Variants in GSTA4 observed in about 807,000 individuals in gnomAD.
GSTA4 encodes the protein glutathione S-transferase alpha 4, also known as glutathione S-transferase A4.
Under a neutral mutation model 24.4 loss-of-function variants are expected in GSTA4, and 15 were observed. The ratio of observed to expected loss-of-function variants is 0.61; its 90% CI spans 0.41 to 0.95. The LOEUF is 0.95. Ranked by LOEUF, GSTA4 falls within the 40% of genes least tolerant of loss-of-function variation. The pLI, the probability that GSTA4 is intolerant of heterozygous loss-of-function variation, is 0.00. For missense variants in GSTA4, 244 were observed against 262.1 expected (o/e 0.93, Z 0.48); for synonymous variants, 92 against 94.2 (o/e 0.98, Z 0.13).
intron 2 of GSTA4, among the ~76,000 whole-genome samples, chr6:52,988,474 G>A (rs902374651): frequency 6.6e-6 from 1 of 152,176 alleles, no homozygotes; most frequent in African/African-American, 2.4e-5. Flanking sequence ...GGCTTCTGTT[G>A]TTAACAAAGT....
At chr6:52,992,780 A>T (rs1324666551) in intron 2 of GSTA4, among the ~76,000 whole-genome samples, 1 of 152,190 alleles carries the variant, frequency 6.6e-6, no homozygotes, top group East Asian at 1.9e-4. Flanking sequence ...GAATAAATAT[A>T]ATGTTGGATC....
intron 3 of GSTA4, among the ~76,000 whole-genome samples, chr6:52,986,921 T>C (rs1427263739): frequency 6.6e-6 from 1 of 152,150 alleles, no homozygotes; most frequent in Non-Finnish European, 1.5e-5. Flanking sequence ...AGTTCGTTGA[T>C]TTCACTTCTG....
At chr6:52,980,277 G>GTA (rs1158296323) in intron 6 of GSTA4, among the ~76,000 whole-genome samples, 3 of 151,006 alleles carry the variant, frequency 2.0e-5, no homozygotes, top group Non-Finnish European at 2.9e-5. Flanking sequence ...ACACAAGCAT[G>GTA]TATATATATG....
chr6:52,987,289 T>C, intron 3 of GSTA4, 68 bp downstream of exon 3: 2 of 981,132 alleles, frequency 2.0e-6, no homozygotes, highest in South Asian at 2.8e-5. Flanking sequence ...ACTTTTGCCC[T>C]TCCACATAAA....
At position 52,987,409 on chromosome 6, in the gene GSTA4, CTAAATTTT is replaced by C; in HGVS notation, c.88-9_88-2del. 1 of 1,547,346 alleles carries C rather than the reference CTAAATTTT, an allele frequency of 6.5e-7. No individual in the cohort carries two copies. Among genetic ancestry groups the C allele is most frequent in the Non-Finnish European group, 8.9e-7 (1 of 1,122,514 alleles). On this transcript the variant is annotated splice_acceptor_variant and splice_polypyrimidine_tract_variant and intron_variant, in intron 2 of 6. Transcript: ENST00000370963. LOFTEE classifies it high-confidence loss of function. Reference sequence around the variant, plus strand: ...TTGTTTCCAGAAATTCTTCATCAAACTAAATTTTTAAAAAAGAAACGTATATATACATA... The same window carrying C: ...TTGTTTCCAGAAATTCTTCATCAAACTAAAAAAGAAACGTATATATACATA...
At chr6:52,991,268 A>T (rs1385577312) in intron 2 of GSTA4, among the ~76,000 whole-genome samples, 14 of 152,240 alleles carry the variant, frequency 9.2e-5, no homozygotes. Context: ...AAATGATGGA[A>T]ATTGAAAGAA....
chr6:52,986,160 A>T (rs1474770195), intron 3 of GSTA4, among the ~76,000 whole-genome samples: 1 of 152,224 alleles, frequency 6.6e-6, no homozygotes, highest in Non-Finnish European at 1.5e-5. Context: ...TGTAGTGAAG[A>T]TATTTCTTCA....
Position 52,982,563 on chromosome 6 carries a change from G to C in GSTA4, c.546+11C>G. The C allele has an allele frequency of 6.2e-7, 1 of 1,602,902 alleles. No individual in the cohort carries two copies. Among genetic ancestry groups the C allele is most frequent in the Non-Finnish European group, 8.5e-7 (1 of 1,172,848 alleles). Reference sequence around the variant, plus strand: ...TTCTAGGCCAATCTTCTAATACATAGTTTTATTTACCTGGAGGAAAGGAAA... The same window carrying C: ...TTCTAGGCCAATCTTCTAATACATACTTTTATTTACCTGGAGGAAAGGAAA... On this transcript the variant is annotated intron_variant, in intron 6 of 6. Coordinates refer to ENST00000370963, the MANE Select transcript of GSTA4 (RefSeq NM_001512.4).
chr6:52,980,012 C>G (rs145043347), intron 6 of GSTA4, among the ~76,000 whole-genome samples: 342 of 152,282 alleles, frequency 2.2e-3, no homozygotes, highest in African/African-American at 5.6e-3. Context: ...CAACACAGAT[C>G]TGGTGTCCGA....
chr6:52,984,746 C>A, intron 4 of GSTA4, 141 bp from the exon 5 acceptor site: 1 of 678,228 alleles, frequency 1.5e-6, no homozygotes, highest in Non-Finnish European at 2.5e-6. Context: ...CTATACCTGT[C>A]TCTTAAGAGC....
At chr6:52,993,753 G>A (rs1177768192) in intron 2 of GSTA4, among the ~76,000 whole-genome samples, 1 of 152,080 alleles carries the variant, frequency 6.6e-6, no homozygotes, top group Non-Finnish European at 1.5e-5. Flanking sequence ...AGAACAGAAC[G>A]AAAACAAAAA....
intron 6 of GSTA4, among the ~76,000 whole-genome samples, chr6:52,980,843 G>A (rs1441063853): frequency 6.6e-6 from 1 of 152,156 alleles, no homozygotes; most frequent in Non-Finnish European, 1.5e-5. Context: ...CTGTAAAATG[G>A]AGATAGTGAA....
At position 52,984,469 on chromosome 6, in the gene GSTA4, C is replaced by A; in HGVS notation, c.409G>T (p.Glu137Ter). The A allele has an allele frequency of 6.2e-7, 1 of 1,611,274 alleles. No individual in the cohort carries two copies. The highest frequency in any genetic ancestry group is 1.7e-5 in the Admixed American group (1 of 59,008). The change falls in exon 5 of 7, where the codon GAA (glutamate) becomes TAA (stop). Residue 137 changes from glutamate to a stop codon, truncating the protein, a stop_gained. Coordinates refer to ENST00000370963, the MANE Select transcript of GSTA4 (RefSeq NM_001512.4). LOFTEE classifies it high-confidence loss of function. ...TAGGCATCTCTGCCACCTACCTTTT[C>A]AAACACAGGAAAGTATCTAATTATA... ...KAIIRYFPVF[E>*]KILRGHGQSF...
Position 52,985,795 on chromosome 6 carries a change from G to A in GSTA4, c.140-212C>T, listed in dbSNP as rs1406209242. ...GGGCCAGGCGTGGTGGCTCAAGCCT[G>A]TAATCCCAGCACTTTGGGAGGCCAA... On this transcript the variant is annotated intron_variant, in intron 3 of 6. Coordinates refer to ENST00000370963, the MANE Select transcript of GSTA4 (RefSeq NM_001512.4). Among the ~76,000 whole-genome samples the A allele has an allele frequency of 2.0e-5, 3 of 152,308 alleles. No homozygotes were observed. In the East Asian group the frequency reaches 5.8e-4, roughly 29 times the overall value.
chr6:52,978,355 A>G lies in GSTA4; in HGVS notation c.*115T>C. Reference sequence around the variant, plus strand: ...CTCGTTGACACAAAAGACCCAACTTAGGACCCAACTTAATACATAGATAGC... The same window carrying G: ...CTCGTTGACACAAAAGACCCAACTTGGGACCCAACTTAATACATAGATAGC... On this transcript the variant is annotated 3_prime_UTR_variant, in exon 7 of 7. Transcript: ENST00000370963. The G allele has an allele frequency of 9.7e-7, 1 of 1,034,198 alleles. No homozygotes were observed. The allele number at this position is 1,034,198 out of a possible 1,614,324, so 64.1% of individuals were successfully genotyped here.
intron 2 of GSTA4, chr6:52,987,610 A>G: frequency 2.0e-6 from 1 of 507,678 alleles, no homozygotes; most frequent in Non-Finnish European, 3.5e-6. Flanking sequence ...TGGAAATAGA[A>G]AGTTGATTGG....
chr6:52,985,879 C>T (rs958378475), intron 3 of GSTA4, among the ~76,000 whole-genome samples: 3 of 152,038 alleles, frequency 2.0e-5, no homozygotes, highest in African/African-American at 4.8e-5. Flanking sequence ...AGTGAAACCC[C>T]GCCTCTACTA....
Position 52,978,303 on chromosome 6 carries a change from A to G in GSTA4, c.*167T>C, listed in dbSNP as rs936769507. 11 of 670,446 alleles carry G rather than the reference A, an allele frequency of 1.6e-5. No individual in the cohort carries two copies. Among genetic ancestry groups the G allele is most frequent in the Admixed American group, 6.2e-5 (2 of 32,174 alleles). The allele number at this position is 670,446 out of a possible 1,614,324, so 41.5% of individuals were successfully genotyped here. A position where few individuals can be genotyped will look rare whatever the true frequency, so the allele number is the denominator to read the frequency against. On this transcript the variant is annotated 3_prime_UTR_variant, in exon 7 of 7. Transcript: ENST00000370963. ...CCTAACAATTATTTACTGGACAAAAAAGGTTGATATTTCTAGAAGAGATGA... is the reference window on the plus strand; with the variant it reads ...CCTAACAATTATTTACTGGACAAAAGAGGTTGATATTTCTAGAAGAGATGA...
chr6:52,994,117 G>A (rs756497286), intron 2 of GSTA4, 40 bp downstream of exon 2: 1 of 1,308,746 alleles, frequency 7.6e-7, no homozygotes, highest in Non-Finnish European at 1.1e-6. Context: ...GGTCTCAAAA[G>A]CTGTATGACA....
Sources: gnomAD v4.1 joint callset for allele counts (sites outside exome capture counted in the v4.1 genomes callset) on GRCh38, gnomAD v4.1.1 for gene constraint, MANE v1.5 for transcripts, NCBI Gene and HGNC (gene_info 2026-07-23, HGNC 2026-07-21) for gene names.